Variants in BRINP2 observed in about 807,000 individuals in gnomAD.
BRINP2 encodes the protein BMP/retinoic acid-inducible neural-specific protein 2.
BRINP2 carries 21 observed loss-of-function variants against 69.2 expected under a neutral mutation model. The ratio of observed to expected loss-of-function variants is 0.30; its 90% CI spans 0.22 to 0.44. The LOEUF is 0.44. Among genes scored for constraint, BRINP2 ranks in the 20% least tolerant of loss-of-function variants. The pLI, the probability that BRINP2 is intolerant of heterozygous loss-of-function variation, is 1.00. For synonymous variants in BRINP2, 380 were observed against 394.1 expected (o/e 0.96, Z 0.42); for missense variants, 877 against 986.0 (o/e 0.89, Z 1.48).
intron 1 of BRINP2, among the ~76,000 whole-genome samples, chr1:177,226,005 G>A (rs1649679704): frequency 6.6e-6 from 1 of 152,222 alleles, no homozygotes; most frequent in Admixed American, 6.5e-5. Context: ...CTATAACCAG[G>A]CAGGTTCTAG....
At chr1:177,256,376 C>T (rs1478159436) in intron 3 of BRINP2, 1 of 985,264 alleles carries the variant, frequency 1.0e-6, no homozygotes, top group Admixed American at 6.1e-5. Flanking sequence ...CAGCAGGGGG[C>T]ACTCCCAGTT....
intron 2 of BRINP2, among the ~76,000 whole-genome samples, chr1:177,232,717 C>G (rs1374311824): frequency 6.6e-6 from 1 of 151,862 alleles, no homozygotes; most frequent in Non-Finnish European, 1.5e-5. Context: ...TCAAAGAAAA[C>G]TGGTAAAACA....
intron 1 of BRINP2, among the ~76,000 whole-genome samples, chr1:177,188,822 G>GA (rs200983928): frequency 1.1e-5 from 1 of 94,412 alleles, no homozygotes; most frequent in Non-Finnish European, 1.9e-5. Context: ...ATTGTTTATA[G>GA]AAAAAAACCC....
intron 7 of BRINP2, among the ~76,000 whole-genome samples, chr1:177,279,535 C>T (rs1318859000): frequency 6.6e-6 from 1 of 152,190 alleles, no homozygotes; most frequent in Non-Finnish European, 1.5e-5. Context: ...TGAGGTAGGA[C>T]AGTCTTCCAG....
intron 2 of BRINP2, among the ~76,000 whole-genome samples, chr1:177,239,449 T>G (rs961673699): frequency 6.6e-6 from 1 of 152,252 alleles, no homozygotes; most frequent in Non-Finnish European, 1.5e-5. Flanking sequence ...CAAGATGCAG[T>G]ATCTTACTTC....
intron 5 of BRINP2, chr1:177,275,317 A>G: frequency 2.2e-6 from 1 of 449,304 alleles, no homozygotes. Context: ...ATCCAAGATC[A>G]GAAGTTAATT....
At chr1:177,249,552 A>G (rs1383551576) in intron 2 of BRINP2, among the ~76,000 whole-genome samples, 1 of 152,216 alleles carries the variant, frequency 6.6e-6, no homozygotes, top group Non-Finnish European at 1.5e-5. Context: ...GTGGGAGAAG[A>G]TTTTAGGAGA....
At chr1:177,230,879 T>G (rs952254713) in intron 2 of BRINP2, among the ~76,000 whole-genome samples, 3 of 152,234 alleles carry the variant, frequency 2.0e-5, no homozygotes, top group Non-Finnish European at 4.4e-5. Context: ...TTGATCCCTC[T>G]GTCCACTTGC....
In BRINP2 at chr1:177,280,902, C is replaced by T; in HGVS notation, c.1726C>T (p.Leu576Phe). ...VMLALSLQICLTKNSTLEPVM... is the reference protein window; with the variant it reads ...VMLALSLQICFTKNSTLEPVM... ...GTTGGCCTTGTCCTTGCAGATCTGTCTCACCAAGAACAGCACCCTGGAGCC... is the reference window on the plus strand; with the variant it reads ...GTTGGCCTTGTCCTTGCAGATCTGTTTCACCAAGAACAGCACCCTGGAGCC... Residue 576 changes from leucine to phenylalanine, a missense_variant, in exon 8 of 8, where the codon CTC becomes TTC. This residue lies in a region of BRINP2 where 86 missense variants were observed against 142.1 expected (regional missense o/e 0.61). Transcript: ENST00000361539. 1.2e-6 allele frequency: 2 copies of T among 1,614,220 alleles called. No homozygotes were observed. The highest frequency in any genetic ancestry group is 1.7e-6 in the Non-Finnish European group (2 of 1,180,036).
intron 1 of BRINP2, among the ~76,000 whole-genome samples, chr1:177,228,672 C>T (rs71628231): frequency 1.3e-5 from 2 of 151,896 alleles, no homozygotes; most frequent in Non-Finnish European, 2.9e-5. Context: ...TTGGTGCTGA[C>T]GAGGGGAGAT....
chr1:177,256,807 G>T, intron 3 of BRINP2: 1 of 1,150,572 alleles, frequency 8.7e-7, no homozygotes, highest in Non-Finnish European at 1.1e-6. Context: ...CCCCTTCAAG[G>T]CTTTTGCCCT....
chr1:177,276,217 T>C lies in BRINP2; in HGVS notation c.795T>C (p.Pro265=), dbSNP rs756037287. ...CCCCAGGCCTTCAGGTGCTGCTGCC[T>C]GAGTATCTGCGTGAGCGCTTTGTAG... The part of the protein sequence containing the change: ...VQLLGLQVLL[P]EYLRERFVAA... The change falls in exon 6 of 8, where the codon CCT becomes CCC. Residue 265 remains proline, a synonymous_variant. Transcript: ENST00000361539. 1 of 1,612,992 alleles carries C rather than the reference T, an allele frequency of 6.2e-7. No individual in the cohort carries two copies. The highest frequency in any genetic ancestry group is 8.5e-7 in the Non-Finnish European group (1 of 1,179,078).
chr1:177,220,190 A>G (rs1649483897), intron 1 of BRINP2, among the ~76,000 whole-genome samples: 1 of 152,206 alleles, frequency 6.6e-6, no homozygotes, highest in Non-Finnish European at 1.5e-5. Flanking sequence ...GGGCCTATCT[A>G]TCTACAGCAG....
In BRINP2 at chr1:177,278,570, C is replaced by T. The variant is rs1457901197; in HGVS notation, c.1020C>T (p.Phe340=). 9.9e-6 allele frequency: 16 copies of T among 1,614,026 alleles called. No homozygotes were observed. Among genetic ancestry groups the T allele is most frequent in the Non-Finnish European group, 4.2e-6 (5 of 1,180,018 alleles). The change falls in exon 7 of 8, where the codon TTC becomes TTT. Residue 340 remains phenylalanine, a synonymous_variant. Transcript: ENST00000361539. ...CTGTGTTCTTGTCCACAGAAGAGTT[C>T]CAGGCCCTGCTGAAAAGGCTGCCCG... ...HNRQFEESEE[F]QALLKRLPDD...
chr1:177,173,445 T>G (rs1290396768), intron 1 of BRINP2, among the ~76,000 whole-genome samples: 2 of 152,226 alleles, frequency 1.3e-5, no homozygotes, highest in African/African-American at 4.8e-5. Flanking sequence ...AGGAGCATTC[T>G]TGACTCTTAC....
intron 4 of BRINP2, among the ~76,000 whole-genome samples, chr1:177,267,594 A>G (rs1027721478): frequency 2.1e-4 from 32 of 152,222 alleles, no homozygotes; most frequent in African/African-American, 7.5e-4. Context: ...ATGAGTATCT[A>G]CAATCACCTT....
At chr1:177,253,806 C>T (rs1293169947) in intron 2 of BRINP2, among the ~76,000 whole-genome samples, 3 of 151,908 alleles carry the variant, frequency 2.0e-5, no homozygotes, top group African/African-American at 7.2e-5. Flanking sequence ...AATGTGTGTT[C>T]CTGGCACCTT....
chr1:177,230,593 G>A (rs1649837250), intron 2 of BRINP2, among the ~76,000 whole-genome samples: 1 of 152,184 alleles, frequency 6.6e-6, no homozygotes, highest in African/African-American at 2.4e-5. Context: ...TAGAGGTCTG[G>A]GGAGCCCTGA....
chr1:177,224,576 G>A (rs953708095), intron 1 of BRINP2, among the ~76,000 whole-genome samples: 1 of 151,882 alleles, frequency 6.6e-6, no homozygotes, highest in African/African-American at 2.4e-5. Flanking sequence ...CAACTTGTAA[G>A]TGGCAAAGGC....
Sources: gnomAD v4.1 joint callset for allele counts (sites outside exome capture counted in the v4.1 genomes callset) on GRCh38, gnomAD v4.1.1 for gene constraint, gnomAD v4.1.1 regional missense constraint, MANE v1.5 for transcripts, NCBI Gene and HGNC (gene_info 2026-07-23, HGNC 2026-07-21) for gene names.